STK39: variants seen among roughly 807,000 people sequenced by gnomAD.
STK39 encodes the protein STE20/SPS1-related proline-alanine-rich protein kinase.
In STK39, 20 loss-of-function variants were observed where a neutral mutation model predicts 77.8. That is an observed-to-expected ratio of 0.26 (90% confidence interval 0.18 to 0.37). The LOEUF is 0.37. Ranked by LOEUF, STK39 falls within the 10% of genes least tolerant of loss-of-function variation. The pLI is 1.00. For missense variants in STK39, 479 were observed against 656.5 expected (o/e 0.73, Z 2.95); for synonymous variants, 246 against 234.1 (o/e 1.05, Z -0.47).
intron 14 of STK39, among the ~76,000 whole-genome samples, chr2:168,063,146 T>G (rs1685704250): frequency 6.6e-6 from 1 of 151,888 alleles, no homozygotes; most frequent in Non-Finnish European, 1.5e-5. Flanking sequence ...GACCGACTGC[T>G]GAAGTGTGAA....
intron 10 of STK39, among the ~76,000 whole-genome samples, chr2:168,120,198 T>C (rs143326902): frequency 1.2e-3 from 180 of 152,346 alleles, no homozygotes; most frequent in Admixed American, 2.9e-3. Flanking sequence ...CTATTTAACA[T>C]ATCTTATACT....
chr2:168,122,168 G>A (rs115618298), intron 10 of STK39, among the ~76,000 whole-genome samples: 76 of 152,124 alleles, frequency 5.0e-4, no homozygotes, highest in Non-Finnish European at 9.4e-4. Context: ...GTTGTTTTTC[G>A]ATTCTCACCC....
intron 10 of STK39, among the ~76,000 whole-genome samples, chr2:168,081,317 C>A (rs774883979): frequency 6.6e-6 from 1 of 152,158 alleles, no homozygotes; most frequent in Non-Finnish European, 1.5e-5. Flanking sequence ...TCAGCGTAAC[C>A]TGGATGTGAG....
chr2:168,032,062 C>T (rs1262446979), intron 14 of STK39, among the ~76,000 whole-genome samples: 1 of 152,142 alleles, frequency 6.6e-6, no homozygotes, highest in African/African-American at 2.4e-5. Context: ...TGGAAATTTC[C>T]AAGCACCTGA....
intron 5 of STK39, among the ~76,000 whole-genome samples, chr2:168,158,784 C>T (rs749858873): frequency 2.0e-5 from 3 of 152,170 alleles, no homozygotes; most frequent in Non-Finnish European, 4.4e-5. Context: ...GAATGAGACT[C>T]AAAGCATTCA....
intron 14 of STK39, among the ~76,000 whole-genome samples, chr2:168,059,427 A>C (rs1218411728): frequency 6.6e-6 from 1 of 152,192 alleles, no homozygotes; most frequent in African/African-American, 2.4e-5. Flanking sequence ...AAAACCTTGA[A>C]CAGAAAGACC....
intron 14 of STK39, among the ~76,000 whole-genome samples, chr2:168,041,416 T>A (rs917872449): frequency 6.6e-6 from 1 of 152,058 alleles, no homozygotes; most frequent in Admixed American, 6.6e-5. Context: ...CTATACTGTA[T>A]GGTTTACAAG....
chr2:168,121,988 C>G (rs992444057), intron 10 of STK39, among the ~76,000 whole-genome samples: 1 of 152,208 alleles, frequency 6.6e-6, no homozygotes, highest in Non-Finnish European at 1.5e-5. Context: ...ACCTCCACTT[C>G]CTGCCTAAAT....
chr2:168,239,281 A>T (rs898205814), intron 1 of STK39, among the ~76,000 whole-genome samples: 2 of 152,230 alleles, frequency 1.3e-5, no homozygotes, highest in Non-Finnish European at 2.9e-5. Context: ...ACAAAAGAAA[A>T]GAAAGCTCTA....
intron 16 of STK39, among the ~76,000 whole-genome samples, chr2:167,971,073 C>T (rs539218588): frequency 6.6e-6 from 1 of 152,228 alleles, no homozygotes; most frequent in Admixed American, 6.5e-5. Context: ...CTTCTAATGA[C>T]CCCCAGGAGC....
chr2:168,081,059 T>C (rs988155331), intron 10 of STK39, among the ~76,000 whole-genome samples: 3 of 152,166 alleles, frequency 2.0e-5, no homozygotes, highest in African/African-American at 7.2e-5. Flanking sequence ...GCTTGGCCAG[T>C]GCAGAAGGGA....
chr2:168,204,243 C>T (rs557442955), intron 1 of STK39, among the ~76,000 whole-genome samples: 3 of 152,206 alleles, frequency 2.0e-5, no homozygotes, highest in East Asian at 1.9e-4. Flanking sequence ...CCTACCTTGC[C>T]GCACCCCGTG....
chr2:168,076,511 C>T (rs1345887042), intron 10 of STK39, among the ~76,000 whole-genome samples: 1 of 152,022 alleles, frequency 6.6e-6, no homozygotes, highest in East Asian at 1.9e-4. Flanking sequence ...CAGATCAATG[C>T]GAAGTCATAA....
chr2:168,132,001 G>A (rs1193524236), intron 8 of STK39, among the ~76,000 whole-genome samples: 2 of 152,140 alleles, frequency 1.3e-5, no homozygotes, highest in Non-Finnish European at 1.5e-5. Context: ...CAATCTAGCA[G>A]GTAAGAGCAG....
chr2:167,982,322 C>A (rs1424299727), intron 16 of STK39, among the ~76,000 whole-genome samples: 1 of 152,112 alleles, frequency 6.6e-6, no homozygotes, highest in East Asian at 1.9e-4. Flanking sequence ...TCCAGAAAGG[C>A]ATGTAACCTA....
intron 5 of STK39, among the ~76,000 whole-genome samples, chr2:168,152,512 G>A (rs544630726): frequency 1.3e-5 from 2 of 152,314 alleles, no homozygotes; most frequent in East Asian, 1.9e-4. Flanking sequence ...CCGTCAAAAG[G>A]CATAGAGTTA....
intron 14 of STK39, among the ~76,000 whole-genome samples, chr2:168,048,930 G>A (rs4667552): frequency 0.51 from 76,936 of 151,996 alleles, 20,307 homozygotes; most frequent in Admixed American, 0.56. Flanking sequence ...GTCAGCTCTG[G>A]CAAATGCCTA....
intron 2 of STK39, among the ~76,000 whole-genome samples, chr2:168,169,640 G>A (rs921583985): frequency 6.6e-6 from 1 of 151,934 alleles, no homozygotes; most frequent in Admixed American, 6.6e-5. Flanking sequence ...GCGTGTGTGT[G>A]TGTGTGTGTG....
chr2:167,964,721 C>A lies in STK39; in HGVS notation c.1504G>T (p.Ala502Ser). 6.2e-7 allele frequency: 1 copy of A among 1,610,170 alleles called. No homozygotes were observed. The highest frequency in any genetic ancestry group is 8.5e-7 in the Non-Finnish European group (1 of 1,178,202). ...TCATCTACAATCTTCTGTAAATTAGCAGCCACTGTAAAATATAAACGTAGA... is the reference window on the plus strand; with the variant it reads ...TCATCTACAATCTTCTGTAAATTAGAAGCCACTGTAAAATATAAACGTAGA... ...VDGHDVVIVA[A>S]NLQKIVDDPK... is the part of the protein sequence containing the mutation. Residue 502 changes from alanine to serine, a missense_variant, in exon 17 of 18, where the codon GCT (alanine) becomes TCT (serine). Ala to Ser is a moderately conservative substitution (Grantham distance 99). Coordinates refer to ENST00000355999, the MANE Select transcript of STK39 (RefSeq NM_013233.3).
Sources: gnomAD v4.1 joint callset for allele counts (sites outside exome capture counted in the v4.1 genomes callset) on GRCh38, gnomAD v4.1.1 for gene constraint, MANE v1.5 for transcripts, NCBI Gene and HGNC (gene_info 2026-07-23, HGNC 2026-07-21) for gene names.